The following PLXDC1 variants were observed in gnomAD, a reference collection of about 807,000 sequenced individuals.
The protein encoded by PLXDC1 is plexin domain-containing protein 1.
PLXDC1 carries 39 observed loss-of-function variants against 61.3 expected under a neutral mutation model. That is an observed-to-expected ratio of 0.64 (90% CI 0.49 to 0.83). The LOEUF is 0.83. Among genes scored for constraint, PLXDC1 ranks in the 40% least tolerant of loss-of-function variants. The pLI is 0.00. For missense variants in PLXDC1, 596 were observed against 666.5 expected, an observed-to-expected ratio of 0.89 and a Z score of 1.17; for synonymous variants, 212 against 254.5, an observed-to-expected ratio of 0.83 and a Z score of 1.59.
At chr17:39,130,218 C>CA (rs1027811863) in intron 2 of PLXDC1, among the ~76,000 whole-genome samples, 1 of 152,076 alleles carries the variant, frequency 6.6e-6, no homozygotes, top group Admixed American at 6.5e-5. Context: ...TTAGGGAGGC[C>CA]AAGGCAGGAG....
At chr17:39,077,763 CT>C (rs1909396358) in intron 11 of PLXDC1, 149 bp downstream of exon 11, 13 of 691,908 alleles carry the variant, frequency 1.9e-5, no homozygotes, top group Non-Finnish European at 3.2e-5. Context: ...CCTAAACTGT[CT>C]GAACTTCAGG....
In PLXDC1 at chr17:39,095,058, G is replaced by A. The variant is rs996221426; in HGVS notation, c.812-7356C>T. ...GATAGAGACACAAGTGGCAGCCAGG[G>A]AAGCCAAGTCTCCTAGAAACTTCAC... On this transcript the variant is annotated intron_variant, in intron 7 of 13. Coordinates refer to ENST00000315392, the MANE Select transcript of PLXDC1 (RefSeq NM_020405.5). Among the ~76,000 whole-genome samples, 4 of 152,180 alleles carry A rather than the reference G, an allele frequency of 2.6e-5. No individual in the cohort carries two copies. The South Asian group carries it at 8.3e-4, about 31-fold the overall frequency.
intron 1 of PLXDC1, chr17:39,144,657 G>A (rs768536362): frequency 7.9e-5 from 12 of 152,312 alleles, no homozygotes; most frequent in Non-Finnish European, 1.3e-4. Flanking sequence ...TCACACACAA[G>A]TTGGACACCT....
chr17:39,107,659 A>G, intron 5 of PLXDC1, 134 bp from the exon 6 acceptor site: 1 of 734,124 alleles, frequency 1.4e-6, no homozygotes, highest in Non-Finnish European at 2.5e-6. Flanking sequence ...AAAGGTAAGG[A>G]GGCAGGAGCT....
At chr17:39,119,536 C>T (rs1035519021) in intron 2 of PLXDC1, among the ~76,000 whole-genome samples, 103 of 152,156 alleles carry the variant, frequency 6.8e-4, no homozygotes, top group African/African-American at 2.3e-3. Context: ...CTTGAGCTCA[C>T]GAGTTCGAGA....
At chr17:39,086,034 A>T (rs1909727699) in intron 8 of PLXDC1, among the ~76,000 whole-genome samples, 1 of 152,188 alleles carries the variant, frequency 6.6e-6, no homozygotes. Context: ...AAATGCTCAC[A>T]AAATTCACCG....
intron 2 of PLXDC1, among the ~76,000 whole-genome samples, chr17:39,134,173 G>T (rs1911656629): frequency 6.6e-6 from 1 of 151,660 alleles, no homozygotes; most frequent in Non-Finnish European, 1.5e-5. Flanking sequence ...AGAATGGTGT[G>T]AACCTGGGAG....
At chr17:39,117,835 C>T (rs1911026998) in intron 2 of PLXDC1, among the ~76,000 whole-genome samples, 1 of 152,170 alleles carries the variant, frequency 6.6e-6, no homozygotes, top group Admixed American at 6.5e-5. Flanking sequence ...TCCACATGCC[C>T]AGGGAGGTGC....
Position 39,063,520 on chromosome 17 carries a change from C to T in PLXDC1, c.*4320G>A, listed in dbSNP as rs80107361. 856 of 702,816 alleles carry T rather than the reference C, an allele frequency of 1.2e-3. 4 individuals are homozygous for T. The African/African-American group carries it at 0.013, about 11-fold the overall frequency. The allele number at this position is 702,816 out of a possible 1,614,324, so 43.5% of individuals were successfully genotyped here. On this transcript the variant is annotated 3_prime_UTR_variant, in exon 14 of 14. Transcript: ENST00000315392. ...CACAGTCATGTCTCAGCGAAGAAGTCGGAGTTCAGCAGCCATCAGAACCAA... is the reference window on the plus strand; with the variant it reads ...CACAGTCATGTCTCAGCGAAGAAGTTGGAGTTCAGCAGCCATCAGAACCAA...
rs149168757 is a variant in PLXDC1, at chr17:39,066,583, C to T, written c.*1257G>A. On this transcript the variant is annotated 3_prime_UTR_variant, in exon 14 of 14. Coordinates refer to ENST00000315392, the MANE Select transcript of PLXDC1 (RefSeq NM_020405.5). Reference sequence around the variant, plus strand: ...ATGCCAACTCTATAGCCATGAGGATCTGCTTTCTTTTTTTTTTTTTGAGAC... The same window carrying T: ...ATGCCAACTCTATAGCCATGAGGATTTGCTTTCTTTTTTTTTTTTTGAGAC... 3.3e-5 allele frequency: 5 copies of T among 152,314 alleles called. No individual in the cohort carries two copies. Among genetic ancestry groups the T allele is most frequent in the African/African-American group, 1.2e-4 (5 of 41,490 alleles). 9.4% of individuals were successfully genotyped at this position (152,314 alleles called of 1,614,324 possible).
intron 11 of PLXDC1, among the ~76,000 whole-genome samples, chr17:39,076,879 G>A (rs971512928): frequency 6.6e-6 from 1 of 152,264 alleles, no homozygotes; most frequent in East Asian, 1.9e-4. Context: ...GGGATTACAG[G>A]CGCCCACGAC....
intron 2 of PLXDC1, among the ~76,000 whole-genome samples, chr17:39,115,133 T>A (rs1910926214): frequency 6.6e-6 from 1 of 150,628 alleles, no homozygotes; most frequent in Non-Finnish European, 1.5e-5. Flanking sequence ...GTGCCTCAGC[T>A]CTGACACCTG....
intron 7 of PLXDC1, among the ~76,000 whole-genome samples, chr17:39,091,594 G>T (rs569484352): frequency 2.6e-5 from 4 of 152,156 alleles, no homozygotes; most frequent in Non-Finnish European, 5.9e-5. Flanking sequence ...CGAGCACTGC[G>T]CAGGTGTGGG....
chr17:39,084,989 A>G lies in PLXDC1; in HGVS notation c.908-1449T>C, dbSNP rs1260089642. Among the ~76,000 whole-genome samples, 3 of 152,268 alleles carry G rather than the reference A, an allele frequency of 2.0e-5. No individual in the cohort carries two copies. The East Asian group carries it at 5.8e-4, about 29-fold the overall frequency. ...GCACTCACCCAGAACAACTGTGTGC[A>G]GAAGGGCTTATCTTATAAGCAACAG... On this transcript the variant is annotated intron_variant, in intron 8 of 13. Transcript: ENST00000315392.
At chr17:39,070,077 G>A in intron 12 of PLXDC1, 61 bp from the exon 13 acceptor site, 1 of 1,311,024 alleles carries the variant, frequency 7.6e-7, no homozygotes, top group East Asian at 2.3e-5. Flanking sequence ...TCGAACCATG[G>A]GGTCTTGGGT....
At chr17:39,085,042 G>T (rs1206787788) in intron 8 of PLXDC1, among the ~76,000 whole-genome samples, 1 of 152,260 alleles carries the variant, frequency 6.6e-6, no homozygotes, top group East Asian at 1.9e-4. Context: ...GCCACAAGAA[G>T]TGACAACTAA....
At chr17:39,121,601 A>C (rs1215460438) in intron 2 of PLXDC1, among the ~76,000 whole-genome samples, 1 of 152,170 alleles carries the variant, frequency 6.6e-6, no homozygotes, top group Non-Finnish European at 1.5e-5. Context: ...TGCCACCCAC[A>C]TGGGCAGTTT....
intron 11 of PLXDC1, among the ~76,000 whole-genome samples, chr17:39,074,911 A>G (rs1391161364): frequency 6.6e-6 from 1 of 152,084 alleles, no homozygotes; most frequent in Non-Finnish European, 1.5e-5. Flanking sequence ...CAGCTCCCCA[A>G]AGGGCAAAGT....
At chr17:39,095,376 CCCCA>C (rs1225997019) in intron 7 of PLXDC1, among the ~76,000 whole-genome samples, 1 of 7,734 alleles carries the variant, frequency 1.3e-4, no homozygotes, top group Non-Finnish European at 3.3e-4. Context: ...CGCCCCCCCC[CCCCA>C]ACCCCCCAAG....
Sources: gnomAD v4.1 joint callset for allele counts (sites outside exome capture counted in the v4.1 genomes callset) on GRCh38, gnomAD v4.1.1 for gene constraint, MANE v1.5 for transcripts, NCBI Gene and HGNC (gene_info 2026-07-23, HGNC 2026-07-21) for gene names.